The following MTMR9 variants were observed in gnomAD, a reference collection of about 807,000 sequenced individuals.
MTMR9 encodes myotubularin related protein 9.
Under a neutral mutation model 69.5 loss-of-function variants are expected in MTMR9, and 39 were observed. The observed-to-expected ratio is 0.56, with a 90% CI of 0.43 to 0.73. MTMR9 has a LOEUF of 0.73. Ranked by LOEUF, MTMR9 falls within the 30% of genes least tolerant of loss-of-function variation. The pLI is 0.00. For missense variants in MTMR9, 900 were observed against 671.2 expected (o/e 1.34, Z -3.77); for synonymous variants, 354 against 240.8 (o/e 1.47, Z -4.35).
intron 2 of MTMR9, among the ~76,000 whole-genome samples, 197 bp downstream of exon 2, chr8:11,295,499 ACT>A (rs1346652005): frequency 1.5e-5 from 1 of 64,536 alleles, no homozygotes; most frequent in South Asian, 7.6e-4. Context: ...GTCTGGTGTT[ACT>A]CACGTTATAT....
downstream of MTMR9, chr8:11,331,026 C>G: frequency 1.3e-6 from 2 of 1,514,410 alleles, no homozygotes; most frequent in Non-Finnish European, 1.8e-6. Context: ...CCCACCCGCA[C>G]TCCAATGAGG....
At chr8:11,302,212 C>T (rs546035668) in intron 3 of MTMR9, among the ~76,000 whole-genome samples, 9 of 143,230 alleles carry the variant, frequency 6.3e-5, no homozygotes, top group East Asian at 2.0e-4. Flanking sequence ...GTGATAATGC[C>T]GCTGCACTCC....
At position 11,322,785 on chromosome 8, in the gene MTMR9, C is replaced by T. The variant is rs771819703; in HGVS notation, c.1647C>T (p.Pro549=). The T allele has an allele frequency of 6.2e-7, 1 of 1,613,576 alleles. No homozygotes were observed. Among genetic ancestry groups the T allele is most frequent in the Non-Finnish European group, 8.5e-7 (1 of 1,179,764 alleles). Residue 549 remains proline (P), a synonymous_variant, in exon 10 of 10, where the codon CCC becomes CCT. Coordinates refer to ENST00000221086, the MANE Select transcript of MTMR9 (RefSeq NM_015458.4). ...LETEDGMQES[P] Reference sequence around the variant, plus strand: ...CAGAGGACGGGATGCAGGAGAGTCCCTGAAAGGTCTCCTCGCACCCTTCGC... The same window carrying T: ...CAGAGGACGGGATGCAGGAGAGTCCTTGAAAGGTCTCCTCGCACCCTTCGC...
downstream of MTMR9, among the ~76,000 whole-genome samples, chr8:11,332,539 C>T (rs529280637): frequency 7.3e-5 from 11 of 151,278 alleles, no homozygotes; most frequent in Middle Eastern, 3.5e-3. Context: ...GTAGCTGAAA[C>T]GTGCGACAAC....
At position 11,327,251 on chromosome 8, in the gene MTMR9, C is replaced by A. The variant is rs1456674152; in HGVS notation, c.*4463C>A. The stretch of plus-strand genomic sequence containing the variant: ...GAAACTTAATGTTCCAGCTCTTGAA[C>A]TACACTGTGGAACAGTAATTTGTGC... On this transcript the variant is annotated 3_prime_UTR_variant, in exon 10 of 10. Transcript: ENST00000221086. 6.6e-6 allele frequency: 1 copy of A among 152,162 alleles called. No individual in the cohort carries two copies. The allele number at this position is 152,162 out of a possible 1,614,324, so 9.4% of individuals were successfully genotyped here.
At chr8:11,330,263 C>T (rs1416376821), downstream of MTMR9, among the ~76,000 whole-genome samples, 1 of 151,786 alleles carries the variant, frequency 6.6e-6, no homozygotes, top group East Asian at 2.0e-4. Flanking sequence ...CAGCCCCCCA[C>T]CGGCCAGCCG....
At position 11,308,608 on chromosome 8, in the gene MTMR9, T is replaced by G. The variant is rs940447455; in HGVS notation, c.810-919T>G. 3.9e-5 allele frequency among the ~76,000 whole-genome samples: 6 copies of G among 152,238 alleles called. No homozygotes were observed. The East Asian group carries it at 1.2e-3, about 29-fold the overall frequency. ...CTTCTAGGAATTTATCCATTTCTTC[T>G]AGATTATCCAGTCAATTTGTTAATG... On this transcript the variant is annotated intron_variant, in intron 5 of 9. Coordinates refer to ENST00000221086, the MANE Select transcript of MTMR9 (RefSeq NM_015458.4).
chr8:11,298,725 C>T (rs915904334), intron 2 of MTMR9: 7 of 906,792 alleles, frequency 7.7e-6, no homozygotes, highest in South Asian at 1.0e-4. Flanking sequence ...GCTGCACCCC[C>T]CCCCCGCCAT....
In MTMR9 at chr8:11,326,989, G is replaced by C. The variant is rs1201186329; in HGVS notation, c.*4201G>C. On this transcript the variant is annotated 3_prime_UTR_variant, in exon 10 of 10. Transcript: ENST00000221086. Reference sequence around the variant, plus strand: ...CATCTCAAAAAAAAAAAAAAAAAAAGACTCATTTATCCATTTACATTTATT... The same window carrying C: ...CATCTCAAAAAAAAAAAAAAAAAAACACTCATTTATCCATTTACATTTATT... The C allele has an allele frequency of 7.4e-6, 1 of 135,654 alleles. No homozygotes were observed. Among genetic ancestry groups the C allele is most frequent in the Non-Finnish European group, 1.6e-5 (1 of 62,866 alleles). The allele number at this position is 135,654 out of a possible 1,614,324, so 8.4% of individuals were successfully genotyped here. A position where few individuals can be genotyped will look rare whatever the true frequency, so the allele number is the denominator to read the frequency against.
Position 11,325,621 on chromosome 8 carries a change from A to G in MTMR9, c.*2833A>G, listed in dbSNP as rs372179048. ...ATACAAAGGATCACCACAATCCTCTATTGAACATATAAGGATCCTCAGATT... is the reference window on the plus strand; with the variant it reads ...ATACAAAGGATCACCACAATCCTCTGTTGAACATATAAGGATCCTCAGATT... On this transcript the variant is annotated 3_prime_UTR_variant, in exon 10 of 10. Coordinates refer to ENST00000221086, the MANE Select transcript of MTMR9 (RefSeq NM_015458.4). 34 of 151,916 alleles carry G rather than the reference A, an allele frequency of 2.2e-4. No homozygotes were observed. The highest frequency in any genetic ancestry group is 7.0e-4 in the African/African-American group (29 of 41,372). 9.4% of individuals were successfully genotyped at this position (151,916 alleles called of 1,614,324 possible).
At chr8:11,305,819 C>G (rs919950081) in intron 4 of MTMR9, among the ~76,000 whole-genome samples, 3 of 152,144 alleles carry the variant, frequency 2.0e-5, no homozygotes, top group African/African-American at 7.2e-5. Context: ...AACCTGCCAA[C>G]TCTATGTATG....
At chr8:11,315,535 A>C (rs979316730) in intron 7 of MTMR9, among the ~76,000 whole-genome samples, 2 of 152,210 alleles carry the variant, frequency 1.3e-5, no homozygotes, top group Non-Finnish European at 2.9e-5. Context: ...TCTCACTCAT[A>C]ACAGGGATTG....
At chr8:11,316,184 G>C (rs1011420552) in intron 7 of MTMR9, 1 of 152,206 alleles carries the variant, frequency 6.6e-6, no homozygotes, top group African/African-American at 2.4e-5. Context: ...TATAATTAGA[G>C]ATTTACTATC....
At chr8:11,321,256 G>C in intron 9 of MTMR9, 1 of 357,278 alleles carries the variant, frequency 2.8e-6, no homozygotes, top group South Asian at 2.1e-5. Context: ...ATTTGTGAAG[G>C]GATGGTGACT....
chr8:11,316,984 G>A, intron 8 of MTMR9, 91 bp downstream of exon 8: 1 of 710,400 alleles, frequency 1.4e-6, no homozygotes, highest in East Asian at 2.7e-5. Flanking sequence ...CGACGATTTG[G>A]ATCTATATTA....
At chr8:11,291,846 A>C (rs186720738) in intron 1 of MTMR9, among the ~76,000 whole-genome samples, 58 of 152,194 alleles carry the variant, frequency 3.8e-4, no homozygotes, top group Admixed American at 2.8e-3. Flanking sequence ...TGTGTCTTTC[A>C]CTTCCAGCTG....
intron 5 of MTMR9, among the ~76,000 whole-genome samples, chr8:11,307,964 T>C (rs1800001531): frequency 6.6e-6 from 1 of 152,224 alleles, no homozygotes; most frequent in Non-Finnish European, 1.5e-5. Flanking sequence ...TCCAGTGTGG[T>C]GTTCACAAAT....
At chr8:11,322,567 A>G in intron 9 of MTMR9, 58 bp from the exon 10 acceptor site, 1 of 1,428,184 alleles carries the variant, frequency 7.0e-7, no homozygotes, top group Non-Finnish European at 9.7e-7. Flanking sequence ...CACAAATGTA[A>G]TTTTAATCCA....
At position 11,290,529 on chromosome 8, in the gene MTMR9, A is replaced by C. The variant is rs550214994; in HGVS notation, c.183-4665A>C. Among the ~76,000 whole-genome samples, 33 of 152,234 alleles carry C rather than the reference A, an allele frequency of 2.2e-4. 1 individual carries two copies. The Middle Eastern group carries it at 0.014, about 63-fold the overall frequency. On this transcript the variant is annotated intron_variant, in intron 1 of 9. Transcript: ENST00000221086. ...CTTAAGAACTCCTTCCCTGTCCCCA[A>C]ATCACCAGGATGTTCTCCTACATTT...
Sources: allele counts gnomAD v4.1 joint callset (sites outside exome capture counted in the v4.1 genomes callset), GRCh38; gene constraint gnomAD v4.1.1; transcripts MANE v1.5; gene names NCBI Gene and HGNC (gene_info 2026-07-23, HGNC 2026-07-21).